EPHB1: variants seen among roughly 807,000 people sequenced by gnomAD.
EPHB1 encodes the protein EPH receptor B1.
A neutral mutation model predicts 94.4 loss-of-function variants in EPHB1; 30 were observed. That is an observed-to-expected ratio of 0.32 (90% CI 0.24 to 0.43). The LOEUF (loss-of-function observed/expected upper bound fraction) is 0.43, where lower values mean the gene tolerates loss of function less well. EPHB1 is among the 20% of genes least tolerant of loss of function. EPHB1 has a pLI of 1.00. For missense variants in EPHB1, 1,055 were observed against 1,308.3 expected, an observed-to-expected ratio of 0.81 and a Z score of 2.99; for synonymous variants, 522 against 489.1, an observed-to-expected ratio of 1.07 and a Z score of -0.89.
intron 1 of EPHB1, among the ~76,000 whole-genome samples, chr3:134,864,633 A>G (rs115864366): frequency 0.013 from 2,026 of 152,262 alleles, 50 homozygotes; most frequent in African/African-American, 0.046. Flanking sequence ...TCTCTCTGAA[A>G]CCTTTTCCTG....
At chr3:134,810,866 A>C (rs9818551) in intron 1 of EPHB1, among the ~76,000 whole-genome samples, 131,262 of 151,760 alleles carry the variant, frequency 0.86, 56,865 homozygotes, top group East Asian at 0.97. Flanking sequence ...ATCTCTCTCT[A>C]TATATTTAGC....
intron 3 of EPHB1, among the ~76,000 whole-genome samples, chr3:135,003,326 G>C (rs941868811): frequency 1.3e-5 from 2 of 152,054 alleles, no homozygotes; most frequent in Non-Finnish European, 2.9e-5. Context: ...CTGAGAGATA[G>C]TTTGTTACAA....
At chr3:135,052,544 T>G (rs546771415) in intron 3 of EPHB1, among the ~76,000 whole-genome samples, 1 of 152,148 alleles carries the variant, frequency 6.6e-6, no homozygotes, top group African/African-American at 2.4e-5. Context: ...AGGATCAGCT[T>G]TCTTTCTCAT....
At chr3:135,059,420 C>T (rs1176803708) in intron 3 of EPHB1, among the ~76,000 whole-genome samples, 1 of 152,036 alleles carries the variant, frequency 6.6e-6, no homozygotes, top group Non-Finnish European at 1.5e-5. Context: ...TTCCAATTTG[C>T]CATTACTTGA....
intron 9 of EPHB1, among the ~76,000 whole-genome samples, chr3:135,176,640 C>T (rs1197462211): frequency 2.0e-5 from 3 of 152,220 alleles, no homozygotes; most frequent in Non-Finnish European, 4.4e-5. Context: ...TTTATGTGCA[C>T]TTATTTGCGC....
chr3:135,208,163 T>C (rs1942947294), intron 12 of EPHB1, among the ~76,000 whole-genome samples: 1 of 152,160 alleles, frequency 6.6e-6, no homozygotes, highest in Non-Finnish European at 1.5e-5. Context: ...AAGGGACCCC[T>C]GTTTAGGGCA....
At chr3:134,830,004 G>C (rs1039241832) in intron 1 of EPHB1, among the ~76,000 whole-genome samples, 1 of 152,132 alleles carries the variant, frequency 6.6e-6, no homozygotes, top group African/African-American at 2.4e-5. Flanking sequence ...TCAGATTTCT[G>C]CCTCCAGAAC....
At chr3:135,256,935 T>C (rs1363186147) in intron 15 of EPHB1, among the ~76,000 whole-genome samples, 1 of 146,170 alleles carries the variant, frequency 6.8e-6, no homozygotes, top group East Asian at 2.0e-4. Context: ...CTTTTTTCTC[T>C]AAACTTCCCT....
intron 1 of EPHB1, among the ~76,000 whole-genome samples, chr3:134,910,527 T>C (rs531027715): frequency 3.3e-5 from 5 of 152,336 alleles, no homozygotes; most frequent in South Asian, 4.1e-4. Context: ...ATGCTATTGA[T>C]TGGGAAACAC....
intron 1 of EPHB1, among the ~76,000 whole-genome samples, chr3:134,922,579 G>A (rs915161210): frequency 1.1e-4 from 16 of 152,242 alleles, no homozygotes; most frequent in Non-Finnish European, 1.8e-4. Context: ...GTCCTTGGAC[G>A]ACAAAGAAGT....
intron 7 of EPHB1, among the ~76,000 whole-genome samples, chr3:135,164,595 G>A (rs1295488242): frequency 6.6e-6 from 1 of 152,094 alleles, no homozygotes; most frequent in Non-Finnish European, 1.5e-5. Flanking sequence ...GATCACTTGA[G>A]GTTAGGAGTT....
At chr3:135,001,199 G>A (rs1239582607) in intron 3 of EPHB1, among the ~76,000 whole-genome samples, 1 of 152,120 alleles carries the variant, frequency 6.6e-6, no homozygotes, top group Admixed American at 6.5e-5. Context: ...GCCAGGCGGG[G>A]GAGCCTGCAC....
intron 12 of EPHB1, among the ~76,000 whole-genome samples, chr3:135,233,586 T>C (rs1257516600): frequency 6.6e-6 from 1 of 152,216 alleles, no homozygotes; most frequent in Non-Finnish European, 1.5e-5. Flanking sequence ...TGGAGGATGA[T>C]GGCCCTCTTC....
chr3:134,910,092 T>A (rs1443047663), intron 1 of EPHB1, among the ~76,000 whole-genome samples: 5 of 152,172 alleles, frequency 3.3e-5, no homozygotes, highest in African/African-American at 1.2e-4. Context: ...TTCCATAAAA[T>A]GTTTGCAGTG....
chr3:134,807,052 A>C (rs1275268483), intron 1 of EPHB1, among the ~76,000 whole-genome samples: 5 of 152,160 alleles, frequency 3.3e-5, no homozygotes, highest in Non-Finnish European at 4.4e-5. Context: ...TTTTCAGTCA[A>C]ACTGAACCGA....
At chr3:135,011,800 A>G (rs922159182) in intron 3 of EPHB1, among the ~76,000 whole-genome samples, 1 of 152,294 alleles carries the variant, frequency 6.6e-6, no homozygotes, top group East Asian at 1.9e-4. Flanking sequence ...GTCTGCTTTC[A>G]TTGTTCTTCC....
chr3:135,218,162 CAG>C (rs1274519638), intron 12 of EPHB1, among the ~76,000 whole-genome samples: 1 of 152,098 alleles, frequency 6.6e-6, no homozygotes, highest in Non-Finnish European at 1.5e-5. Context: ...AAAGACAAGA[CAG>C]AGAGACCCTT....
At chr3:135,114,167 C>T (rs1463231687) in intron 4 of EPHB1, among the ~76,000 whole-genome samples, 3 of 152,180 alleles carry the variant, frequency 2.0e-5, no homozygotes, top group Admixed American at 6.5e-5. Flanking sequence ...GATTTAGGCA[C>T]AGTGCACTTT....
At chr3:135,144,028 G>T (rs1013908196) in intron 5 of EPHB1, among the ~76,000 whole-genome samples, 1 of 152,056 alleles carries the variant, frequency 6.6e-6, no homozygotes, top group Non-Finnish European at 1.5e-5. Context: ...GTGCACAAGG[G>T]GTCCCAGAAG....
Sources: allele counts gnomAD v4.1 joint callset (sites outside exome capture counted in the v4.1 genomes callset), GRCh38; gene constraint gnomAD v4.1.1; transcripts MANE v1.5; gene names NCBI Gene and HGNC (gene_info 2026-07-23, HGNC 2026-07-21).